Variants in ZNF600 observed in about 807,000 individuals in gnomAD.
ZNF600 encodes zinc finger protein 600.
A neutral mutation model predicts 7.3 loss-of-function variants in ZNF600; 4 were observed. That is an observed-to-expected ratio of 0.55 (90% CI 0.27 to 1.25). ZNF600 has a LOEUF of 1.25. ZNF600 is among the 50% of genes most tolerant of loss of function. The pLI is 0.12. For missense variants in ZNF600, 911 were observed against 922.1 expected, an observed-to-expected ratio of 0.99 and a Z score of 0.16; for synonymous variants, 290 against 308.9, an observed-to-expected ratio of 0.94 and a Z score of 0.64.
chr19:52,813,606 G>A, the ZNF600 span, among the ~76,000 whole-genome samples: 1 of 145,262 alleles, frequency 6.9e-6, no homozygotes, highest in South Asian at 2.3e-4. Context: ...GTCCCTCCAG[G>A]TCTACCACCC....
chr19:52,801,848 T>C, the ZNF600 span: 3 of 766,406 alleles, frequency 3.9e-6, no homozygotes, highest in Non-Finnish European at 6.1e-6. Flanking sequence ...AGGAGTAAGA[T>C]TCTTTAATAA....
chr19:52,774,520 G>T (rs139764123), intron 3 of ZNF600, 55 bp downstream of exon 5: 5 of 983,504 alleles, frequency 5.1e-6, no homozygotes, highest in Non-Finnish European at 6.0e-6. Flanking sequence ...AACCAGGAAG[G>T]GCCAAGATAG....
chr19:52,813,929 C>G, the ZNF600 span, among the ~76,000 whole-genome samples: 878 of 145,488 alleles, frequency 6.0e-3, 131 homozygotes, highest in African/African-American at 0.022. Context: ...GAGATGGACT[C>G]TGTTTATTTT....
chr19:52,798,412 GC>G, the ZNF600 span: 2 of 397,074 alleles, frequency 5.0e-6, no homozygotes, highest in Non-Finnish European at 1.0e-5. Flanking sequence ...ATGCTTGATG[GC>G]TTGCTATACT....
the ZNF600 span, among the ~76,000 whole-genome samples, chr19:52,828,118 C>G: frequency 6.6e-6 from 1 of 151,828 alleles, no homozygotes; most frequent in Non-Finnish European, 1.5e-5. Context: ...ATGGCGCGAT[C>G]TCACCTAAAT....
upstream of ZNF600, among the ~76,000 whole-genome samples, chr19:52,787,511 C>A (rs138793670): frequency 0.011 from 1,664 of 148,758 alleles, 27 homozygotes; most frequent in African/African-American, 0.029. Context: ...GGTTCACGCC[C>A]TTCTCCTGCC....
At chr19:52,795,391 C>T in the ZNF600 span, among the ~76,000 whole-genome samples, 20 of 151,752 alleles carry the variant, frequency 1.3e-4, no homozygotes, top group African/African-American at 4.8e-4. Context: ...ATGCAGTCCT[C>T]AATGTAAACT....
chr19:52,809,881 G>GA, the ZNF600 span: 374 of 740,074 alleles, frequency 5.1e-4, 2 homozygotes, highest in Admixed American at 1.4e-4. Context: ...GGCGGTCCGG[G>GA]ATCCAGGCCG....
At chr19:52,816,873 A>AATAATAATAAT in the ZNF600 span, among the ~76,000 whole-genome samples, 5 of 104,998 alleles carry the variant, frequency 4.8e-5, no homozygotes, top group African/African-American at 1.8e-4. Context: ...ATAATAATAA[A>AATAATAATAAT]ACGTGGAATG....
chr19:52,784,034 C>T (rs2062744971), intron 1 of ZNF600, among the ~76,000 whole-genome samples: 1 of 152,006 alleles, frequency 6.6e-6, no homozygotes, highest in African/African-American at 2.4e-5. Context: ...AAGATCGTGC[C>T]AGTGCACTCC....
intron 1 of ZNF600, among the ~76,000 whole-genome samples, chr19:52,786,077 CCAGGCGGGTTTGGAGTAATCA>C (rs939523889): frequency 8.5e-5 from 13 of 152,068 alleles, no homozygotes; most frequent in African/African-American, 2.4e-4. Flanking sequence ...TCCCTTTGGC[CCAGGCGGGTTTGGAGTAATCA>C]CAGGCGGGTT....
the ZNF600 span, among the ~76,000 whole-genome samples, chr19:52,809,557 C>T: frequency 6.6e-6 from 1 of 152,110 alleles, no homozygotes; most frequent in Non-Finnish European, 1.5e-5. Context: ...CCTGTAATCC[C>T]AGCACTTTAA....
the ZNF600 span, among the ~76,000 whole-genome samples, chr19:52,823,012 T>TCAA: frequency 1.4e-3 from 217 of 152,172 alleles, no homozygotes; most frequent in African/African-American, 4.8e-3. Flanking sequence ...TTTACCAGAA[T>TCAA]CACATTTTCC....
At chr19:52,831,149 C>G in the ZNF600 span, among the ~76,000 whole-genome samples, 1 of 152,098 alleles carries the variant, frequency 6.6e-6, no homozygotes, top group Non-Finnish European at 1.5e-5. Context: ...TACACACACA[C>G]AAAATGAGTA....
At chr19:52,808,629 C>CA in the ZNF600 span, among the ~76,000 whole-genome samples, 943 of 122,084 alleles carry the variant, frequency 7.7e-3, 9 homozygotes, top group African/African-American at 0.023. Flanking sequence ...AACTCCATCT[C>CA]AAAAAAAAAA....
exon 4 of ZNF600, chr19:52,767,449 T>A (rs776939656): frequency 1.2e-6 from 2 of 1,614,040 alleles, no homozygotes; most frequent in Non-Finnish European, 1.7e-6. Context: ...TTACCTTTGA[T>A]CTGAATTATG....
chr19:52,810,617 G>C, the ZNF600 span: 25 of 1,467,718 alleles, frequency 1.7e-5, no homozygotes, highest in Non-Finnish European at 2.2e-5. Context: ...AGCAGTTCCT[G>C]CTCTCCATTC....
At chr19:52,786,261 C>G (rs1013919096) in intron 1 of ZNF600, among the ~76,000 whole-genome samples, 1 of 152,114 alleles carries the variant, frequency 6.6e-6, no homozygotes, top group Non-Finnish European at 1.5e-5. Context: ...GGGCCCGGCA[C>G]CAGGAGGGAC....
At chr19:52,796,905 G>T in the ZNF600 span, among the ~76,000 whole-genome samples, 3 of 152,112 alleles carry the variant, frequency 2.0e-5, no homozygotes, top group Non-Finnish European at 4.4e-5. Context: ...TAACAGATTT[G>T]TACCATTTTA....
Sources: gnomAD v4.1 joint callset for allele counts (sites outside exome capture counted in the v4.1 genomes callset) on GRCh38, gnomAD v4.1.1 for gene constraint, MANE v1.5 for transcripts, NCBI Gene and HGNC (gene_info 2026-07-23, HGNC 2026-07-21) for gene names.